GALNT13: variants seen among roughly 807,000 people sequenced by gnomAD.
GALNT13 encodes UDP-GalNAc:polypeptide N-acetylgalactosaminyltransferase 13.
A neutral mutation model predicts 64.2 loss-of-function variants in GALNT13; 28 were observed. The ratio of observed to expected loss-of-function variants is 0.44; its 90% CI spans 0.32 to 0.60. The LOEUF (loss-of-function observed/expected upper bound fraction) is 0.60. GALNT13 is among the 20% of genes least tolerant of loss of function. GALNT13 has a pLI of 0.05. For synonymous variants in GALNT13, 214 were observed against 224.6 expected (o/e 0.95, Z 0.42); for missense variants, 577 against 669.8 (o/e 0.86, Z 1.53).
chr2:153,284,460 C>G, the GALNT13 span, among the ~76,000 whole-genome samples: 2 of 152,174 alleles, frequency 1.3e-5, no homozygotes, highest in Non-Finnish European at 2.9e-5. Context: ...GAATGACTGT[C>G]TTTATATGCA....
At chr2:153,322,358 G>A in the GALNT13 span, among the ~76,000 whole-genome samples, 4 of 152,112 alleles carry the variant, frequency 2.6e-5, no homozygotes, top group East Asian at 5.8e-4. Context: ...CTTTTGTATG[G>A]CTATGTAGTA....
the GALNT13 span, among the ~76,000 whole-genome samples, chr2:153,190,148 C>T: frequency 6.6e-6 from 1 of 151,980 alleles, no homozygotes; most frequent in African/African-American, 2.4e-5. Context: ...CTTTTGGGAT[C>T]TTAGCCATAA....
At chr2:153,397,488 T>A in the GALNT13 span, among the ~76,000 whole-genome samples, 7 of 152,122 alleles carry the variant, frequency 4.6e-5, no homozygotes, top group Non-Finnish European at 1.0e-4. Flanking sequence ...ATCTGATATT[T>A]TCAGAGTGTG....
the GALNT13 span, among the ~76,000 whole-genome samples, chr2:153,187,193 T>G: frequency 6.6e-6 from 1 of 152,364 alleles, no homozygotes; most frequent in East Asian, 1.9e-4. Context: ...ATAGCCATCA[T>G]AGACAAACCC....
At chr2:153,483,347 G>A in the GALNT13 span, among the ~76,000 whole-genome samples, 1 of 149,386 alleles carries the variant, frequency 6.7e-6, no homozygotes, top group African/African-American at 2.5e-5. Context: ...CAAATGAAGT[G>A]ATAAACAAAC....
At chr2:154,306,630 C>CGGGA (rs1693755550) in intron 9 of GALNT13, among the ~76,000 whole-genome samples, 1 of 85,928 alleles carries the variant, frequency 1.2e-5, no homozygotes, top group Non-Finnish European at 2.6e-5. Context: ...GGGGGGGGGT[C>CGGGA]AAGAAATGGG....
At chr2:154,088,135 G>T (rs1023711406) in intron 3 of GALNT13, among the ~76,000 whole-genome samples, 3 of 152,198 alleles carry the variant, frequency 2.0e-5, no homozygotes, top group African/African-American at 7.2e-5. Flanking sequence ...GCTACAGGCT[G>T]TGTCTCATAC....
chr2:153,910,160 G>T (rs762695849), intron 2 of GALNT13, among the ~76,000 whole-genome samples: 2 of 151,662 alleles, frequency 1.3e-5, no homozygotes, highest in African/African-American at 4.8e-5. Context: ...TCCTGGTTTA[G>T]TCATGGGAGG....
At chr2:153,701,859 G>A in the GALNT13 span, among the ~76,000 whole-genome samples, 1 of 152,080 alleles carries the variant, frequency 6.6e-6, no homozygotes, top group African/African-American at 2.4e-5. Flanking sequence ...TGGAGAAACA[G>A]GAATGCTTTT....
chr2:154,417,553 C>T (rs1027857988), intron 11 of GALNT13, among the ~76,000 whole-genome samples: 3 of 138,886 alleles, frequency 2.2e-5, no homozygotes, highest in African/African-American at 8.2e-5. Flanking sequence ...CTCTGTTGCC[C>T]AGGCTGGAGT....
chr2:153,233,101 G>A, the GALNT13 span, among the ~76,000 whole-genome samples: 2 of 152,168 alleles, frequency 1.3e-5, no homozygotes, highest in Non-Finnish European at 2.9e-5. Context: ...CTTTTAGAGT[G>A]TGAAATATTT....
At chr2:153,884,211 G>A (rs958795926) in intron 1 of GALNT13, among the ~76,000 whole-genome samples, 8 of 151,956 alleles carry the variant, frequency 5.3e-5, no homozygotes, top group Non-Finnish European at 1.0e-4. Flanking sequence ...AATATGATGT[G>A]AAGTGACTTA....
intron 3 of GALNT13, among the ~76,000 whole-genome samples, chr2:154,055,551 G>T (rs1157308959): frequency 6.6e-6 from 1 of 152,064 alleles, no homozygotes; most frequent in Admixed American, 6.5e-5. Flanking sequence ...CTATAAGAAT[G>T]GGAGTGACTA....
chr2:153,247,043 TA>T, the GALNT13 span, among the ~76,000 whole-genome samples: 41 of 151,354 alleles, frequency 2.7e-4, no homozygotes, highest in African/African-American at 9.7e-4. Context: ...GATCAAAAAA[TA>T]AAAAAAGCAT....
In GALNT13 at chr2:154,259,110, G is replaced by A. The variant is rs1690549299; in HGVS notation, c.947G>A (p.Gly316Asp). ...TACGATGCAGGAATGGATATCTGGG[G>A]TGGAGAGAATCTTGAAATGTCTTTT... ...GTYDAGMDIW[G>D]GENLEMSFRI... The change falls in exon 8 of 13, where the codon GGT becomes GAT. Residue 316 changes from glycine (G) to aspartate (D), a missense_variant. By Grantham distance (94) the Gly-to-Asp change is moderately conservative. Coordinates refer to ENST00000392825, the MANE Select transcript of GALNT13 (RefSeq NM_052917.4). 1 of 1,597,212 alleles carries A rather than the reference G, an allele frequency of 6.3e-7. No individual in the cohort carries two copies. The highest frequency in any genetic ancestry group is 8.6e-7 in the Non-Finnish European group (1 of 1,167,920).
chr2:154,260,229 T>G (rs1690621463), intron 8 of GALNT13, among the ~76,000 whole-genome samples: 1 of 152,096 alleles, frequency 6.6e-6, no homozygotes, highest in Non-Finnish European at 1.5e-5. Flanking sequence ...CCCAAAATAT[T>G]TGTACAATAA....
intron 8 of GALNT13, among the ~76,000 whole-genome samples, chr2:154,293,999 A>G (rs1406034163): frequency 6.6e-6 from 1 of 152,178 alleles, no homozygotes; most frequent in African/African-American, 2.4e-5. Flanking sequence ...AGTGTTATGC[A>G]TTTCTACCTT....
At chr2:154,043,857 C>A (rs1321952095) in intron 3 of GALNT13, among the ~76,000 whole-genome samples, 8 of 151,958 alleles carry the variant, frequency 5.3e-5, no homozygotes, top group Admixed American at 3.9e-4. Context: ...AACCCCAGCA[C>A]ATTAAGAGGC....
intron 4 of GALNT13, among the ~76,000 whole-genome samples, chr2:154,146,446 GTAT>G (rs1683605996): frequency 6.6e-6 from 1 of 151,766 alleles, no homozygotes; most frequent in Non-Finnish European, 1.5e-5. Context: ...AAAAAAAGTG[GTAT>G]TATATACATA....
Sources: gnomAD v4.1 joint callset for allele counts (sites outside exome capture counted in the v4.1 genomes callset) on GRCh38, gnomAD v4.1.1 for gene constraint, MANE v1.5 for transcripts, NCBI Gene and HGNC (gene_info 2026-07-23, HGNC 2026-07-21) for gene names.